The following PITPNC1 variants were observed in gnomAD, a reference collection of about 807,000 sequenced individuals.
PITPNC1 encodes the protein phosphatidylinositol transfer protein cytoplasmic 1.
Under a neutral mutation model 44.7 loss-of-function variants are expected in PITPNC1, and 18 were observed. That is an observed-to-expected ratio of 0.40 (90% confidence interval 0.28 to 0.60). The LOEUF (loss-of-function observed/expected upper bound fraction) is 0.60. Ranked by LOEUF, PITPNC1 falls within the 20% of genes least tolerant of loss-of-function variation. The pLI is 0.39. For synonymous variants in PITPNC1, 141 were observed against 149.6 expected (o/e 0.94, Z 0.42); for missense variants, 290 against 418.4 (o/e 0.69, Z 2.68).
At chr17:67,540,747 C>T (rs1205689207) in intron 2 of PITPNC1, among the ~76,000 whole-genome samples, 1 of 152,114 alleles carries the variant, frequency 6.6e-6, no homozygotes, top group Non-Finnish European at 1.5e-5. Flanking sequence ...TGGATAGTGG[C>T]AACCAAGAGA....
intron 4 of PITPNC1, among the ~76,000 whole-genome samples, chr17:67,574,407 A>G (rs1375462923): frequency 3.3e-5 from 5 of 152,218 alleles, no homozygotes; most frequent in African/African-American, 9.6e-5. Flanking sequence ...CAGTGTTTCT[A>G]TCATGCAGTT....
intron 1 of PITPNC1, among the ~76,000 whole-genome samples, chr17:67,423,913 G>A (rs1390737569): frequency 6.6e-6 from 1 of 151,992 alleles, no homozygotes; most frequent in Non-Finnish European, 1.5e-5. Context: ...CACAGAAGAG[G>A]TTTCAAGTAG....
chr17:67,612,392 A>G (rs898985763), intron 5 of PITPNC1: 2 of 152,266 alleles, frequency 1.3e-5, no homozygotes, highest in Non-Finnish European at 2.9e-5. Flanking sequence ...GACAGTTTGC[A>G]AAGCACCTTC....
At chr17:67,439,432 C>T (rs2038981664) in intron 1 of PITPNC1, among the ~76,000 whole-genome samples, 1 of 152,196 alleles carries the variant, frequency 6.6e-6, no homozygotes, top group South Asian at 2.1e-4. Context: ...TGACAACCCA[C>T]AGCCTCAGCT....
chr17:67,577,965 G>A (rs890128919), intron 4 of PITPNC1, among the ~76,000 whole-genome samples: 3 of 152,088 alleles, frequency 2.0e-5, no homozygotes, highest in Admixed American at 6.6e-5. Context: ...CTCTACTGCT[G>A]GTTATTCTCT....
intron 1 of PITPNC1, among the ~76,000 whole-genome samples, chr17:67,506,033 C>T (rs944319450): frequency 1.3e-5 from 2 of 152,192 alleles, no homozygotes; most frequent in African/African-American, 4.8e-5. Flanking sequence ...TTCCTGCCCT[C>T]CTGGGCACTG....
intron 6 of PITPNC1, among the ~76,000 whole-genome samples, chr17:67,632,605 G>T (rs2041985943): frequency 6.8e-6 from 1 of 146,066 alleles, no homozygotes; most frequent in Non-Finnish European, 1.5e-5. Flanking sequence ...TTTTGAGATG[G>T]AGTCTCGCCC....
chr17:67,560,149 C>T (rs1568040452), intron 4 of PITPNC1, among the ~76,000 whole-genome samples: 1 of 152,194 alleles, frequency 6.6e-6, no homozygotes, highest in Non-Finnish European at 1.5e-5. Flanking sequence ...CCAAAGGGAG[C>T]TGTGGCATGC....
chr17:67,509,329 C>T (rs934965862), intron 1 of PITPNC1, among the ~76,000 whole-genome samples: 2 of 151,666 alleles, frequency 1.3e-5, no homozygotes, highest in African/African-American at 4.9e-5. Flanking sequence ...GTCAGGAGTT[C>T]AAGACTAGCC....
At chr17:67,567,261 G>A (rs1473415584) in intron 4 of PITPNC1, among the ~76,000 whole-genome samples, 4 of 152,074 alleles carry the variant, frequency 2.6e-5, no homozygotes, top group East Asian at 3.9e-4. Flanking sequence ...CAAGGCAGGC[G>A]GATCATGAGG....
intron 1 of PITPNC1, among the ~76,000 whole-genome samples, chr17:67,498,430 G>A (rs2039984469): frequency 1.3e-5 from 2 of 152,158 alleles, no homozygotes; most frequent in African/African-American, 4.8e-5. Flanking sequence ...CATATTTTCT[G>A]TATGCATTCA....
At chr17:67,497,094 G>C (rs932070728) in intron 1 of PITPNC1, among the ~76,000 whole-genome samples, 12 of 151,992 alleles carry the variant, frequency 7.9e-5, no homozygotes, top group Non-Finnish European at 1.8e-4. Flanking sequence ...CCGGTGAATA[G>C]CCACTGCACT....
rs189971684 is a variant in PITPNC1 at position 67,428,028 on chromosome 17, C to T, written c.48+49826C>T. 1.4e-3 allele frequency among the ~76,000 whole-genome samples: 209 copies of T among 152,130 alleles called. 2 individuals carry two copies. The highest frequency in any genetic ancestry group is 7.9e-3 in the South Asian group (38 of 4,804). ...GATGGGGTTCTCGATGTGTTGCCCA[C>T]GCTAGAGTGCAGTGACTGTTCACAG... On this transcript the variant is annotated intron_variant, in intron 1 of 8. Coordinates refer to ENST00000581322, the MANE Select transcript of PITPNC1 (RefSeq NM_012417.4).
chr17:67,618,152 T>G (rs569110972), intron 5 of PITPNC1, among the ~76,000 whole-genome samples: 1 of 152,036 alleles, frequency 6.6e-6, no homozygotes, highest in South Asian at 2.1e-4. Context: ...TCACTTAAGG[T>G]CAGGAATTCG....
chr17:67,470,752 G>A (rs2039513149), intron 1 of PITPNC1, among the ~76,000 whole-genome samples: 1 of 152,018 alleles, frequency 6.6e-6, no homozygotes, highest in Non-Finnish European at 1.5e-5. Context: ...CGGCTTTGTG[G>A]AATAGAAAGG....
intron 5 of PITPNC1, among the ~76,000 whole-genome samples, chr17:67,614,899 C>T (rs190145132): frequency 1.3e-5 from 2 of 152,002 alleles, no homozygotes; most frequent in East Asian, 1.9e-4. Context: ...AATTGATTCA[C>T]GAGAGTATAT....
At chr17:67,617,556 G>A (rs535664669) in intron 5 of PITPNC1, among the ~76,000 whole-genome samples, 11 of 152,186 alleles carry the variant, frequency 7.2e-5, no homozygotes, top group Middle Eastern at 3.4e-3. Context: ...TCCCAGGGCC[G>A]CCAAAACAAA....
chr17:67,439,809 G>A (rs1045179559), intron 1 of PITPNC1, among the ~76,000 whole-genome samples: 4 of 151,982 alleles, frequency 2.6e-5, no homozygotes, highest in African/African-American at 9.7e-5. Flanking sequence ...TTGGCATCCC[G>A]TTTCTTGATA....
intron 1 of PITPNC1, among the ~76,000 whole-genome samples, chr17:67,476,203 T>TTTTTTA (rs2039624427): frequency 6.6e-6 from 1 of 151,102 alleles, no homozygotes. Context: ...TTTTTTTTTT[T>TTTTTTA]GAGATGGAGT....
Sources: gnomAD v4.1 joint callset for allele counts (sites outside exome capture counted in the v4.1 genomes callset) on GRCh38, gnomAD v4.1.1 for gene constraint, MANE v1.5 for transcripts, NCBI Gene and HGNC (gene_info 2026-07-23, HGNC 2026-07-21) for gene names.